The following TMEM132D variants were observed in gnomAD, a reference collection of about 807,000 sequenced individuals.
TMEM132D encodes the protein mature OL transmembrane protein.
In TMEM132D, 21 loss-of-function variants were observed where a neutral mutation model predicts 62.3. That is an observed-to-expected ratio of 0.34 (90% CI 0.24 to 0.49). TMEM132D has a LOEUF of 0.49. Among genes scored for constraint, TMEM132D ranks in the 20% least tolerant of loss-of-function variants. The pLI, the probability that TMEM132D is intolerant of heterozygous loss-of-function variation, is 0.99. For synonymous variants in TMEM132D, 621 were observed against 575.6 expected (o/e 1.08, Z -1.13); for missense variants, 1,346 against 1,402.8 (o/e 0.96, Z 0.65).
At chr12:129,594,763 C>G (rs1043639615) in intron 2 of TMEM132D, among the ~76,000 whole-genome samples, 5 of 152,240 alleles carry the variant, frequency 3.3e-5, no homozygotes, top group Admixed American at 2.6e-4. Context: ...GTGTTGCCTC[C>G]CTATCATCCA....
chr12:129,755,519 G>A (rs947287913), intron 1 of TMEM132D, among the ~76,000 whole-genome samples: 14 of 152,250 alleles, frequency 9.2e-5, no homozygotes, highest in Middle Eastern at 3.4e-3. Context: ...TGACCCGATC[G>A]CTCATCAGGG....
At chr12:129,474,874 G>C (rs1874213995) in intron 3 of TMEM132D, among the ~76,000 whole-genome samples, 1 of 152,166 alleles carries the variant, frequency 6.6e-6, no homozygotes, top group African/African-American at 2.4e-5. Context: ...AAGCATCTGA[G>C]AGAAGCAGAA....
At chr12:129,745,851 G>A (rs560502215) in intron 1 of TMEM132D, among the ~76,000 whole-genome samples, 36 of 152,314 alleles carry the variant, frequency 2.4e-4, no homozygotes, top group African/African-American at 5.1e-4. Flanking sequence ...ATTCGCCTGC[G>A]TAGAGTGAAG....
intron 4 of TMEM132D, among the ~76,000 whole-genome samples, chr12:129,324,636 C>G (rs1868839563): frequency 6.6e-6 from 1 of 152,090 alleles, no homozygotes; most frequent in Non-Finnish European, 1.5e-5. Flanking sequence ...CAAGACCAGC[C>G]TGGCTAAGAT....
chr12:129,225,314 G>A (rs1879452714), intron 4 of TMEM132D, among the ~76,000 whole-genome samples: 1 of 152,206 alleles, frequency 6.6e-6, no homozygotes, highest in Admixed American at 6.5e-5. Flanking sequence ...TGGGAGTGGA[G>A]ACAGGCACCT....
intron 3 of TMEM132D, among the ~76,000 whole-genome samples, chr12:129,409,774 G>A (rs996745183): frequency 2.0e-5 from 3 of 152,192 alleles, no homozygotes; most frequent in African/African-American, 7.2e-5. Context: ...ATGTTACCGA[G>A]CTTCCCCATT....
chr12:129,731,490 G>A lies in TMEM132D; in HGVS notation c.80-30792C>T, dbSNP rs1012411695. 4.3e-4 allele frequency among the ~76,000 whole-genome samples: 66 copies of A among 152,120 alleles called. 1 individual carries two copies. Among genetic ancestry groups the A allele is most frequent in the Admixed American group, 4.1e-3 (63 of 15,268 alleles). On this transcript the variant is annotated intron_variant, in intron 1 of 8. Transcript: ENST00000422113. ...GGCATTTGAGGAGAGACCAAAATAAGGGAGGAAGTAACCAAGGGCATATCC... is the reference window on the plus strand; with the variant it reads ...GGCATTTGAGGAGAGACCAAAATAAAGGAGGAAGTAACCAAGGGCATATCC...
rs549298828 is a variant in TMEM132D at position 129,784,532 on chromosome 12, G to A, written c.80-83834C>T. On this transcript the variant is annotated intron_variant, in intron 1 of 8. Coordinates refer to ENST00000422113, the MANE Select transcript of TMEM132D (RefSeq NM_133448.3). ...ATTCTTTGCATGCCTTAGGGCTAAG[G>A]TAAGCCCATTTTCGGCATCTGTGCT... 3.9e-5 allele frequency among the ~76,000 whole-genome samples: 6 copies of A among 152,292 alleles called. No individual in the cohort carries two copies. In the South Asian group the frequency reaches 1.2e-3, roughly 32 times the overall value.
intron 2 of TMEM132D, among the ~76,000 whole-genome samples, chr12:129,623,686 C>CATACATATATATACACAT: frequency 1.2e-5 from 1 of 84,102 alleles, no homozygotes; most frequent in South Asian, 5.2e-4. Flanking sequence ...CATATATATA[C>CATACATATATATACACAT]ATATATACAT....
intron 2 of TMEM132D, among the ~76,000 whole-genome samples, chr12:129,649,780 ATATG>A (rs971558280): frequency 1.2e-4 from 18 of 151,814 alleles, no homozygotes; most frequent in African/African-American, 2.7e-4. Context: ...ATATGTGTGT[ATATG>A]TATGTGTGTG....
chr12:129,113,187 AC>A (rs1205021513), intron 5 of TMEM132D: 1 of 152,070 alleles, frequency 6.6e-6, no homozygotes, highest in Non-Finnish European at 1.5e-5. Context: ...CTGCTTTTTG[AC>A]CAATTCCCAT....
At chr12:129,660,611 G>T (rs1300703961) in intron 2 of TMEM132D, among the ~76,000 whole-genome samples, 2 of 151,952 alleles carry the variant, frequency 1.3e-5, no homozygotes, top group African/African-American at 4.8e-5. Context: ...AGGATGGCAG[G>T]CTCAGTCGCC....
At chr12:129,863,006 T>G (rs1050147241) in intron 1 of TMEM132D, among the ~76,000 whole-genome samples, 1 of 152,102 alleles carries the variant, frequency 6.6e-6, no homozygotes, top group Non-Finnish European at 1.5e-5. Context: ...AGGGCAGATG[T>G]AAATGGGAAC....
At chr12:129,481,418 C>T (rs1366871736) in intron 3 of TMEM132D, among the ~76,000 whole-genome samples, 1 of 149,596 alleles carries the variant, frequency 6.7e-6, no homozygotes, top group Non-Finnish European at 1.5e-5. Context: ...GGTTATGATA[C>T]CACCACTGCA....
chr12:129,558,412 G>C (rs982105453), intron 2 of TMEM132D, among the ~76,000 whole-genome samples: 1 of 152,118 alleles, frequency 6.6e-6, no homozygotes, highest in Non-Finnish European at 1.5e-5. Context: ...CAATTAGAGA[G>C]TGTTTAAAAT....
intron 1 of TMEM132D, among the ~76,000 whole-genome samples, chr12:129,761,514 C>T (rs1316188842): frequency 1.3e-5 from 2 of 152,170 alleles, no homozygotes; most frequent in Non-Finnish European, 2.9e-5. Flanking sequence ...GACACAAGCA[C>T]GTGAACAAGG....
chr12:129,097,692 T>C (rs572428002), intron 5 of TMEM132D, among the ~76,000 whole-genome samples: 2 of 152,356 alleles, frequency 1.3e-5, no homozygotes, highest in South Asian at 4.1e-4. Context: ...GGGCTAATCA[T>C]AGTCTAGAGT....
chr12:129,825,687 T>C (rs1872644435), intron 1 of TMEM132D, among the ~76,000 whole-genome samples: 1 of 152,122 alleles, frequency 6.6e-6, no homozygotes, highest in Admixed American at 6.6e-5. Flanking sequence ...CTGCATGGTA[T>C]GGGGTGGACT....
intron 2 of TMEM132D, among the ~76,000 whole-genome samples, chr12:129,635,188 C>A (rs1879444925): frequency 6.6e-6 from 1 of 152,208 alleles, no homozygotes; most frequent in Non-Finnish European, 1.5e-5. Flanking sequence ...AGTTTTGCTA[C>A]CTCATTTGCC....
Sources: allele counts gnomAD v4.1 joint callset (sites outside exome capture counted in the v4.1 genomes callset), GRCh38; gene constraint gnomAD v4.1.1; transcripts MANE v1.5; gene names NCBI Gene and HGNC (gene_info 2026-07-23, HGNC 2026-07-21).